Variants in FAM98A observed in about 807,000 individuals in gnomAD.
FAM98A encodes the protein tRNA splicing ligase complex subunit 3A.
Under a neutral mutation model 62.9 loss-of-function variants are expected in FAM98A, and 25 were observed. That is an observed-to-expected ratio of 0.40 (90% confidence interval 0.29 to 0.56). The LOEUF is 0.56. Among genes scored for constraint, FAM98A ranks in the 20% least tolerant of loss-of-function variants. The pLI is 0.51. For synonymous variants in FAM98A, 252 were observed against 228.6 expected (o/e 1.10, Z -0.92); for missense variants, 653 against 640.7 (o/e 1.02, Z -0.21).
intron 2 of FAM98A, among the ~76,000 whole-genome samples, chr2:33,593,948 T>G (rs1369600408): frequency 6.6e-6 from 1 of 152,218 alleles, no homozygotes; most frequent in Non-Finnish European, 1.5e-5. Flanking sequence ...CTCAAACATC[T>G]GGTCAAGAGG....
intron 6 of FAM98A, 60 bp from the exon 7 acceptor site, chr2:33,585,757 A>G (rs1050084529): frequency 2.0e-6 from 3 of 1,475,586 alleles, no homozygotes; most frequent in Non-Finnish European, 1.9e-6. Flanking sequence ...TAAGAAACAC[A>G]TATTAAATAA....
chr2:33,587,947 T>A (rs181857321), intron 4 of FAM98A, among the ~76,000 whole-genome samples: 4 of 151,920 alleles, frequency 2.6e-5, no homozygotes, highest in Admixed American at 2.6e-4. Context: ...TTAATATCCT[T>A]TCTGTCCAGT....
At chr2:33,586,771 G>A (rs1677567690) in intron 5 of FAM98A, 93 bp from the exon 6 acceptor site, 2 of 758,402 alleles carry the variant, frequency 2.6e-6, no homozygotes, top group African/African-American at 1.7e-5. Flanking sequence ...ATTCATAACT[G>A]AGATCCCGGC....
At position 33,584,102 on chromosome 2, in the gene FAM98A, T is replaced by C. The variant is rs1037652230; in HGVS notation, c.*674A>G. 10 of 152,698 alleles carry C rather than the reference T, an allele frequency of 6.5e-5. No individual in the cohort carries two copies. The highest frequency in any genetic ancestry group is 1.9e-4 in the African/African-American group (8 of 41,464). The allele number at this position is 152,698 out of a possible 1,614,324, so 9.5% of individuals were successfully genotyped here. A position where few individuals can be genotyped will look rare whatever the true frequency, so the allele number is the denominator to read the frequency against. On this transcript the variant is annotated 3_prime_UTR_variant, in exon 8 of 8. Coordinates refer to ENST00000238823, the MANE Select transcript of FAM98A (RefSeq NM_015475.5). The stretch of plus-strand genomic sequence containing the variant: ...CTTAACTAAATGCCTACATGTACTA[T>C]AGCTTCACAACTTAGTTTGCTTTTA...
rs1162460699 is a variant in FAM98A, at chr2:33,594,668, CATAT to C, written c.202+817_202+820del. On this transcript the variant is annotated intron_variant, in intron 2 of 7. Coordinates refer to ENST00000238823, the MANE Select transcript of FAM98A (RefSeq NM_015475.5). Reference sequence around the variant, plus strand: ...ATATATATACACACATATATATACACATATATATATACACACATATATATACACA... The same window carrying C: ...ATATATATACACACATATATATACACATATATACACACATATATATACACA... Among the ~76,000 whole-genome samples the C allele has an allele frequency of 1.6e-3, 179 of 114,056 alleles. 27 individuals carry two copies. The highest frequency in any genetic ancestry group is 8.2e-3 in the East Asian group (39 of 4,728). The allele number at this position is 114,056 out of a possible 152,430, so 74.8% of individuals were successfully genotyped here.
At chr2:33,587,880 T>A (rs939660081) in intron 4 of FAM98A, among the ~76,000 whole-genome samples, 1 of 151,170 alleles carries the variant, frequency 6.6e-6, no homozygotes, top group Non-Finnish European at 1.5e-5. Context: ...AGTCAACAAA[T>A]CTATTTTGTC....
chr2:33,595,378 T>G, intron 2 of FAM98A, 111 bp downstream of exon 2: 1 of 933,658 alleles, frequency 1.1e-6, no homozygotes, highest in Non-Finnish European at 1.5e-6. Context: ...TTTACAAATT[T>G]TTTACATTTA....
intron 2 of FAM98A, among the ~76,000 whole-genome samples, chr2:33,593,753 A>G (rs1280056331): frequency 6.6e-6 from 1 of 152,190 alleles, no homozygotes; most frequent in African/African-American, 2.4e-5. Flanking sequence ...GAGCTCTTTT[A>G]GAGGCAGCTG....
rs981979138 is a variant in FAM98A at position 33,585,387 on chromosome 2, G to C, written c.946C>G (p.Pro316Ala). 1.7e-5 allele frequency: 28 copies of C among 1,614,002 alleles called. No individual in the cohort carries two copies. The highest frequency in any genetic ancestry group is 2.7e-5 in the African/African-American group (2 of 74,900). The change falls in exon 8 of 8, where the codon CCC becomes GCC. Residue 316 changes from proline to alanine, a missense_variant. Transcript: ENST00000238823. ...TTCTGCCACGGTGGCATCTCTGGGG[G>C]TGGAGGTTCGATTTCATTGGGTCTA... ...GGRPNEIEPPPPEMPPWQKRQ... is the reference protein window; with the variant it reads ...GGRPNEIEPPAPEMPPWQKRQ...
intron 1 of FAM98A, among the ~76,000 whole-genome samples, 171 bp downstream of exon 1, chr2:33,598,998 G>C (rs1347080503): frequency 3.3e-5 from 5 of 152,142 alleles, no homozygotes; most frequent in Admixed American, 6.5e-5. Flanking sequence ...CCCCGAGCTA[G>C]CAGTGCAGAC....
rs747683179 is a variant in FAM98A, at chr2:33,586,614, A to G, written c.668T>C (p.Ile223Thr). 5.0e-6 allele frequency: 8 copies of G among 1,613,976 alleles called. No homozygotes were observed. The South Asian group carries it at 6.6e-5, about 13-fold the overall frequency. ...TTGTACAGTGACATCCAAACGTTTT[A>G]TTAGCAGCTTTCTCCGGACTTCATA... ...NEYEVRRKLL[I>T]KRLDVTVQSF... Residue 223 changes from isoleucine to threonine, a missense_variant, in exon 6 of 8, where the codon ATA becomes ACA. Physicochemically the swap from Ile to Thr is moderately conservative, Grantham distance 89 (BLOSUM62 -1). Transcript: ENST00000238823.
Position 33,588,477 on chromosome 2 carries a change from A to C in FAM98A, c.380T>G (p.Val127Gly). The C allele has an allele frequency of 6.2e-7, 1 of 1,613,782 alleles. No homozygotes were observed. Among genetic ancestry groups the C allele is most frequent in the Non-Finnish European group, 8.5e-7 (1 of 1,179,822 alleles). The change falls in exon 4 of 8, where the codon GTG (valine) becomes GGG (glycine). Residue 127 changes from valine to glycine, a missense_variant. By Grantham distance (109) the Val-to-Gly change is moderately radical (BLOSUM62 -3). Transcript: ENST00000238823. ...SELEAARMLC[V>G]NAPPKKAQEG... ...TTGAGCTTTTTTTGGAGGAGCATTC[A>C]CACAGAGCATTCTGGCAGCTTCTAG...
At chr2:33,591,189 T>G (rs1479456043) in intron 3 of FAM98A, among the ~76,000 whole-genome samples, 1 of 131,666 alleles carries the variant, frequency 7.6e-6, no homozygotes, top group Non-Finnish European at 1.7e-5. Context: ...ATAATGGCTA[T>G]GAACACTTTT....
intron 2 of FAM98A, 115 bp downstream of exon 2, chr2:33,595,374 A>C (rs1274154499): frequency 2.6e-5 from 23 of 900,384 alleles, no homozygotes; most frequent in Non-Finnish European, 3.6e-5. Flanking sequence ...CTTCTTTACA[A>C]ATTTTTTACA....
Position 33,585,385 on chromosome 2 carries a change from G to A in FAM98A, c.948C>T (p.Pro316=), listed in dbSNP as rs780326956. Residue 316 remains proline (P), a synonymous_variant, in exon 8 of 8, where the codon CCC becomes CCT. Coordinates refer to ENST00000238823, the MANE Select transcript of FAM98A (RefSeq NM_015475.5). ...TCTTCTGCCACGGTGGCATCTCTGG[G>A]GGTGGAGGTTCGATTTCATTGGGTC... The part of the protein sequence containing the change: ...GGRPNEIEPP[P]PEMPPWQKRQ... 3 of 1,614,006 alleles carry A rather than the reference G, an allele frequency of 1.9e-6. No homozygotes were observed. The highest frequency in any genetic ancestry group is 1.7e-6 in the Non-Finnish European group (2 of 1,180,032).
chr2:33,586,545 A>G lies in FAM98A; in HGVS notation c.720+17T>C. ...TGTCTATAAATAGTCTGCTCTTTTA[A>G]ATTATTTAATGTGTACCTTAGCTCT... On this transcript the variant is annotated intron_variant, in intron 6 of 7. Transcript: ENST00000238823. 1 of 1,493,940 alleles carries G rather than the reference A, an allele frequency of 6.7e-7. No individual in the cohort carries two copies. The highest frequency in any genetic ancestry group is 9.3e-7 in the Non-Finnish European group (1 of 1,071,524). The allele number at this position is 1,493,940 out of a possible 1,614,324, so 92.5% of individuals were successfully genotyped here.
chr2:33,584,581 C>T lies in FAM98A; in HGVS notation c.*195G>A. 1 of 537,156 alleles carries T rather than the reference C, an allele frequency of 1.9e-6. No homozygotes were observed. The highest frequency in any genetic ancestry group is 3.2e-6 in the Non-Finnish European group (1 of 310,060). The allele number at this position is 537,156 out of a possible 1,614,324, so 33.3% of individuals were successfully genotyped here. ...TAGAAAGGAGAGATGTTATGTGTTTCTCAAATAAACGGCATTATGTAAGTC... is the reference window on the plus strand; with the variant it reads ...TAGAAAGGAGAGATGTTATGTGTTTTTCAAATAAACGGCATTATGTAAGTC... On this transcript the variant is annotated 3_prime_UTR_variant, in exon 8 of 8. Coordinates refer to ENST00000238823, the MANE Select transcript of FAM98A (RefSeq NM_015475.5).
At chr2:33,592,597 T>G (rs1230765916) in intron 2 of FAM98A, among the ~76,000 whole-genome samples, 1 of 152,248 alleles carries the variant, frequency 6.6e-6, no homozygotes, top group Non-Finnish European at 1.5e-5. Context: ...GTCAAACTCC[T>G]GGCCTCAAGT....
At chr2:33,588,239 A>G in intron 4 of FAM98A, 96 bp downstream of exon 4, 1 of 944,674 alleles carries the variant, frequency 1.1e-6, no homozygotes, top group Non-Finnish European at 1.6e-6. Flanking sequence ...TATGCACATT[A>G]GGTTCCCATT....
Sources: allele counts gnomAD v4.1 joint callset (sites outside exome capture counted in the v4.1 genomes callset), GRCh38; gene constraint gnomAD v4.1.1; transcripts MANE v1.5; gene names NCBI Gene and HGNC (gene_info 2026-07-23, HGNC 2026-07-21).